CASZ1: variants seen among roughly 807,000 people sequenced by gnomAD.
CASZ1 encodes the protein castor zinc finger 1.
A neutral mutation model predicts 135.2 loss-of-function variants in CASZ1; 28 were observed. The observed-to-expected ratio is 0.21, with a 90% CI of 0.15 to 0.28. The LOEUF (loss-of-function observed/expected upper bound fraction) is 0.28, where lower values mean the gene tolerates loss of function less well. Among genes scored for constraint, CASZ1 ranks in the 10% least tolerant of loss-of-function variants. The pLI is 1.00. For synonymous variants in CASZ1, 1,068 were observed against 1,073.4 expected (o/e 0.99, Z 0.10); for missense variants, 2,161 against 2,453.3 (o/e 0.88, Z 2.52).
intron 7 of CASZ1, 70 bp from the exon 8 acceptor site, chr1:10,656,806 C>A: frequency 9.5e-7 from 1 of 1,047,186 alleles, no homozygotes. Flanking sequence ...CCAGCCCCAG[C>A]CCCAGGGAGG....
chr1:10,786,403 A>C (rs764902388), intron 1 of CASZ1, among the ~76,000 whole-genome samples: 1 of 152,228 alleles, frequency 6.6e-6, no homozygotes, highest in Non-Finnish European at 1.5e-5. Context: ...GGTAAAGGAC[A>C]AAATGCAGAA....
chr1:10,656,280 A>G (rs1642793982), intron 8 of CASZ1, among the ~76,000 whole-genome samples: 1 of 152,194 alleles, frequency 6.6e-6, no homozygotes, highest in African/African-American at 2.4e-5. Flanking sequence ...GCTGAGCCAC[A>G]ATTTTATCAT....
chr1:10,682,689 G>A (rs993557253), intron 4 of CASZ1, among the ~76,000 whole-genome samples: 1 of 152,176 alleles, frequency 6.6e-6, no homozygotes, highest in Non-Finnish European at 1.5e-5. Context: ...ATCTGTCCCT[G>A]GGCCCCCCAG....
chr1:10,675,625 C>A (rs937035796), intron 4 of CASZ1, among the ~76,000 whole-genome samples: 2 of 152,142 alleles, frequency 1.3e-5, no homozygotes, highest in Non-Finnish European at 2.9e-5. Context: ...GGAGACCCTG[C>A]AGTTAATGAT....
At chr1:10,669,631 T>C (rs1314225093) in intron 4 of CASZ1, among the ~76,000 whole-genome samples, 2 of 152,170 alleles carry the variant, frequency 1.3e-5, no homozygotes, top group African/African-American at 4.8e-5. Flanking sequence ...CTCACTGCTC[T>C]CTGGAGGTAG....
At chr1:10,642,821 G>A in intron 20 of CASZ1, 38 bp downstream of exon 20, 1 of 1,603,208 alleles carries the variant, frequency 6.2e-7, no homozygotes, top group Non-Finnish European at 8.5e-7. Context: ...TTTGGGAGTG[G>A]GGCCTGGCCC....
In CASZ1 at chr1:10,657,457, T is replaced by G. The variant is rs969146311; in HGVS notation, c.1410-721A>C. ...TACCCCTCCAAGACTGAAGTGAGAT[T>G]GCAGGAGACACAGAGAGAAACCCCA... On this transcript the variant is annotated intron_variant, in intron 7 of 20. Transcript: ENST00000377022. This position sits in a 1 kb window ranked among gnomAD's most constrained non-coding sequence, Gnocchi z 5.7. 2.0e-5 allele frequency among the ~76,000 whole-genome samples: 3 copies of G among 152,158 alleles called. No homozygotes were observed. The highest frequency in any genetic ancestry group is 6.5e-5 in the Admixed American group (1 of 15,280).
chr1:10,749,462 T>A (rs1056772322), intron 2 of CASZ1, among the ~76,000 whole-genome samples: 1 of 152,176 alleles, frequency 6.6e-6, no homozygotes, highest in African/African-American at 2.4e-5. Flanking sequence ...TTGGCCAGGA[T>A]GGTCTCGATC....
At chr1:10,671,730 A>G (rs1643406847) in intron 4 of CASZ1, among the ~76,000 whole-genome samples, 1 of 152,238 alleles carries the variant, frequency 6.6e-6, no homozygotes, top group Non-Finnish European at 1.5e-5. Flanking sequence ...GCAGCGGAGC[A>G]TGATGTCACC....
intron 3 of CASZ1, among the ~76,000 whole-genome samples, chr1:10,698,140 C>T (rs543121503): frequency 4.6e-5 from 7 of 152,206 alleles, no homozygotes; most frequent in East Asian, 1.9e-4. Flanking sequence ...GTAAGGCAGA[C>T]GCAGGGATTG....
chr1:10,698,225 G>C (rs149004687), intron 3 of CASZ1, among the ~76,000 whole-genome samples: 4 of 152,220 alleles, frequency 2.6e-5, no homozygotes, highest in African/African-American at 9.6e-5. Flanking sequence ...TCTCCATTCC[G>C]AAAGAGCTTC....
intron 2 of CASZ1, among the ~76,000 whole-genome samples, chr1:10,708,744 T>G (rs180954244): frequency 6.6e-6 from 1 of 151,934 alleles, no homozygotes; most frequent in East Asian, 1.9e-4. Context: ...CAATTAAAAC[T>G]AATCATTAAT....
intron 3 of CASZ1, among the ~76,000 whole-genome samples, chr1:10,702,453 G>A (rs1639081007): frequency 6.6e-6 from 1 of 152,180 alleles, no homozygotes; most frequent in Non-Finnish European, 1.5e-5. Flanking sequence ...GGAAAGATTT[G>A]CTCTGAGAAG....
chr1:10,694,494 AGGCGCCGCGGTGATTGGCAGGGCGGCCGC>A lies in CASZ1; in HGVS notation c.-23-611_-23-583del, dbSNP rs1223224700. ...GGCGGGCGCGGCCGGGGGCGCTGCC[AGGCGCCGCGGTGATTGGCAGGGCGGCCGC>A]GGCGCCGCCTCCTCGGCCCGGCCCG... On this transcript the variant is annotated intron_variant, in intron 3 of 20. Coordinates refer to ENST00000377022, the MANE Select transcript of CASZ1 (RefSeq NM_001079843.3). The surrounding 1 kb of genome is among the most constrained non-coding windows in gnomAD (Gnocchi z 6.6). The A allele has an allele frequency of 1.9e-5, 3 of 157,914 alleles. No homozygotes were observed. The highest frequency in any genetic ancestry group is 7.5e-5 in the African/African-American group (3 of 40,204). 9.8% of individuals were successfully genotyped at this position (157,914 alleles called of 1,614,324 possible).
chr1:10,672,804 T>C (rs767728511), intron 4 of CASZ1, among the ~76,000 whole-genome samples: 46 of 152,204 alleles, frequency 3.0e-4, no homozygotes, highest in Non-Finnish European at 4.1e-4. Context: ...GTGGGTGACA[T>C]TCCACGCCTG....
In CASZ1 at chr1:10,648,147, A is replaced by G. The variant is rs1189502244; in HGVS notation, c.3159-8T>C. 2.0e-6 allele frequency: 3 copies of G among 1,487,076 alleles called. No individual in the cohort carries two copies. In the African/African-American group the frequency reaches 4.3e-5, roughly 21 times the overall value. The allele number at this position is 1,487,076 out of a possible 1,614,324, so 92.1% of individuals were successfully genotyped here. On this transcript the variant is annotated splice_polypyrimidine_tract_variant and splice_region_variant and intron_variant, in intron 15 of 20. Coordinates refer to ENST00000377022, the MANE Select transcript of CASZ1 (RefSeq NM_001079843.3). The stretch of plus-strand genomic sequence containing the variant: ...TCTGTCCGGAAGTGGAAGCTGCGAG[A>G]GGTAGAAGAGGGGGTCTCATGGGGG...
chr1:10,642,722 C>T, intron 20 of CASZ1, 137 bp downstream of exon 20: 2 of 935,156 alleles, frequency 2.1e-6, no homozygotes, highest in South Asian at 1.7e-5. Context: ...TCCCACAGAC[C>T]AGCTGGCTCT....
At chr1:10,681,537 G>A (rs967708906) in intron 4 of CASZ1, among the ~76,000 whole-genome samples, 1 of 152,154 alleles carries the variant, frequency 6.6e-6, no homozygotes, top group Non-Finnish European at 1.5e-5. Context: ...GCAGCCTCCC[G>A]GGACTGTCCT....
intron 1 of CASZ1, among the ~76,000 whole-genome samples, chr1:10,785,070 T>TCC (rs1640832095): frequency 6.6e-6 from 1 of 151,642 alleles, no homozygotes; most frequent in Non-Finnish European, 1.5e-5. Flanking sequence ...TCTCTCTCTC[T>TCC]CTCCCTCCTT....
Sources: allele counts gnomAD v4.1 joint callset (sites outside exome capture counted in the v4.1 genomes callset), GRCh38; gene constraint gnomAD v4.1.1; non-coding constraint Gnocchi (gnomAD v3.1); transcripts MANE v1.5; gene names NCBI Gene and HGNC (gene_info 2026-07-23, HGNC 2026-07-21).